The following CTNNA3 variants were observed in gnomAD, a reference collection of about 807,000 sequenced individuals.
CTNNA3 encodes catenin alpha 3, also known as catenin alpha-3.
CTNNA3 carries 76 observed loss-of-function variants against 95.7 expected under a neutral mutation model. The ratio of observed to expected loss-of-function variants is 0.79; its 90% CI spans 0.66 to 0.96. The LOEUF is 0.96. Among genes scored for constraint, CTNNA3 ranks in the 40% least tolerant of loss-of-function variants. The probability of loss-of-function intolerance (pLI) is 0.00; values close to 1 mark genes in which losing one functional copy is unlikely to be tolerated. For synonymous variants in CTNNA3, 431 were observed against 374.4 expected (o/e 1.15, Z -1.74); for missense variants, 1,191 against 1,089.8 (o/e 1.09, Z -1.31).
At chr10:66,326,799 A>G (rs2092259766) in intron 12 of CTNNA3, among the ~76,000 whole-genome samples, 1 of 152,074 alleles carries the variant, frequency 6.6e-6, no homozygotes, top group Non-Finnish European at 1.5e-5. Flanking sequence ...TTTGGGGGGT[A>G]ACAAATATAT....
chr10:67,544,180 C>T (rs372010986), intron 3 of CTNNA3, among the ~76,000 whole-genome samples: 3 of 152,032 alleles, frequency 2.0e-5, no homozygotes, highest in Admixed American at 6.6e-5. Flanking sequence ...TTATTATCTT[C>T]GAACTCAGTA....
intron 9 of CTNNA3, among the ~76,000 whole-genome samples, chr10:66,715,683 G>A (rs143117861): frequency 1.3e-5 from 2 of 152,186 alleles, no homozygotes; most frequent in African/African-American, 4.8e-5. Flanking sequence ...TTCTCTTGAT[G>A]AGATAGCAAT....
At chr10:66,433,232 C>G (rs1424733418) in intron 11 of CTNNA3, among the ~76,000 whole-genome samples, 1 of 152,170 alleles carries the variant, frequency 6.6e-6, no homozygotes, top group African/African-American at 2.4e-5. Context: ...ACATTGTCTT[C>G]CACAATGGTT....
chr10:66,160,582 G>A (rs1038984745), intron 13 of CTNNA3, among the ~76,000 whole-genome samples: 6 of 151,988 alleles, frequency 3.9e-5, no homozygotes, highest in Non-Finnish European at 7.4e-5. Flanking sequence ...ATTTATTGAG[G>A]CTCATTTTAT....
At chr10:67,007,400 C>CT (rs552186162) in intron 7 of CTNNA3, among the ~76,000 whole-genome samples, 4,552 of 146,092 alleles carry the variant, frequency 0.031, 88 homozygotes, top group Non-Finnish European at 0.04. Flanking sequence ...TTCAATCTGA[C>CT]TTTTTTTTTT....
At chr10:67,408,415 A>G (rs767298988) in intron 5 of CTNNA3, among the ~76,000 whole-genome samples, 4 of 152,048 alleles carry the variant, frequency 2.6e-5, no homozygotes, top group Admixed American at 6.6e-5. Flanking sequence ...AGAATACAGA[A>G]CCCAGAAATA....
chr10:66,374,995 G>T (rs1297058655), intron 12 of CTNNA3, among the ~76,000 whole-genome samples: 1 of 151,982 alleles, frequency 6.6e-6, no homozygotes, highest in Non-Finnish European at 1.5e-5. Flanking sequence ...AATTGAGTTG[G>T]CACGTCCCTT....
chr10:67,457,220 A>G (rs1847206185), intron 5 of CTNNA3, among the ~76,000 whole-genome samples: 1 of 152,200 alleles, frequency 6.6e-6, no homozygotes, highest in African/African-American at 2.4e-5. Context: ...CAATCCCCAA[A>G]GCCAAAGTTA....
chr10:66,344,647 A>G (rs1589118605), intron 12 of CTNNA3, among the ~76,000 whole-genome samples: 2 of 152,090 alleles, frequency 1.3e-5, no homozygotes, highest in South Asian at 4.1e-4. Flanking sequence ...AATAAACCTA[A>G]ATTAGATACC....
chr10:66,692,430 C>T (rs958924106), intron 9 of CTNNA3, among the ~76,000 whole-genome samples: 13 of 152,050 alleles, frequency 8.5e-5, no homozygotes, highest in South Asian at 2.1e-4. Flanking sequence ...CAAAAAGAAA[C>T]GAACAAAGCC....
intron 13 of CTNNA3, among the ~76,000 whole-genome samples, chr10:66,237,608 A>G (rs1310851963): frequency 6.6e-6 from 1 of 151,948 alleles, no homozygotes; most frequent in Admixed American, 6.6e-5. Flanking sequence ...TTACAATTGC[A>G]ATAATGACCT....
chr10:67,638,180 A>G (rs1017050215), intron 2 of CTNNA3, among the ~76,000 whole-genome samples: 1 of 152,208 alleles, frequency 6.6e-6, no homozygotes, highest in Non-Finnish European at 1.5e-5. Context: ...TCTACCAAGC[A>G]AATGGAAAAC....
intron 10 of CTNNA3, among the ~76,000 whole-genome samples, chr10:66,535,130 A>T (rs1047253370): frequency 1.8e-4 from 28 of 151,914 alleles, no homozygotes; most frequent in Admixed American, 1.5e-3. Flanking sequence ...ATTCAGTCAG[A>T]CTCACTTTGT....
chr10:66,354,522 C>T (rs1440313439), intron 12 of CTNNA3, among the ~76,000 whole-genome samples: 1 of 151,970 alleles, frequency 6.6e-6, no homozygotes, highest in Non-Finnish European at 1.5e-5. Flanking sequence ...TCAAAGGAAC[C>T]TGAGTTTGAG....
chr10:66,106,998 C>T (rs1481261831), intron 13 of CTNNA3, among the ~76,000 whole-genome samples: 1 of 152,184 alleles, frequency 6.6e-6, no homozygotes, highest in Non-Finnish European at 1.5e-5. Context: ...CTGCTTCCTT[C>T]TAAAATCCAT....
chr10:67,762,368 T>C (rs1466864418), intron 1 of CTNNA3, among the ~76,000 whole-genome samples: 1 of 149,766 alleles, frequency 6.7e-6, no homozygotes, highest in Non-Finnish European at 1.5e-5. Flanking sequence ...TTGTCTTGCT[T>C]TCCCCTCCCC....
intron 5 of CTNNA3, among the ~76,000 whole-genome samples, chr10:67,347,692 A>G (rs771185016): frequency 6.6e-6 from 1 of 152,156 alleles, no homozygotes. Context: ...AGTAAATGTT[A>G]GTGTACAAAG....
chr10:66,430,949 C>A (rs187607615), intron 11 of CTNNA3, among the ~76,000 whole-genome samples: 22 of 152,016 alleles, frequency 1.4e-4, no homozygotes, highest in Admixed American at 1.4e-3. Context: ...AAGAAACTAC[C>A]GTCAGAGTGA....
chr10:66,237,565 T>A (rs2089916421), intron 13 of CTNNA3, among the ~76,000 whole-genome samples: 1 of 149,576 alleles, frequency 6.7e-6, no homozygotes, highest in Non-Finnish European at 1.5e-5. Context: ...GTTTTGTGAT[T>A]TTTTTTTTTA....
Sources: gnomAD v4.1 joint callset for allele counts (sites outside exome capture counted in the v4.1 genomes callset) on GRCh38, gnomAD v4.1.1 for gene constraint, MANE v1.5 for transcripts, NCBI Gene and HGNC (gene_info 2026-07-23, HGNC 2026-07-21) for gene names.